CRYBB3: variants seen among roughly 807,000 people sequenced by gnomAD.
CRYBB3 encodes crystallin beta B3, also known as beta-crystallin B3.
Under a neutral mutation model 28.3 loss-of-function variants are expected in CRYBB3, and 35 were observed. The observed-to-expected ratio is 1.24, with a 90% CI of 0.95 to 1.64. CRYBB3 has a LOEUF of 1.64. CRYBB3 is among the 40% of genes most tolerant of loss of function. CRYBB3 has a pLI of 0.00. For synonymous variants in CRYBB3, 106 were observed against 110.4 expected (o/e 0.96, Z 0.25); for missense variants, 296 against 297.4 (o/e 1.00, Z 0.04).
chr22:25,204,262 C>T (rs1214820379), intron 4 of CRYBB3, among the ~76,000 whole-genome samples: 3 of 152,186 alleles, frequency 2.0e-5, no homozygotes, highest in Non-Finnish European at 4.4e-5. Flanking sequence ...TTAAGTTCTC[C>T]ACTTGTGTTT....
At chr22:25,205,024 C>G (rs1257439369) in intron 4 of CRYBB3, among the ~76,000 whole-genome samples, 196 bp from the exon 5 acceptor site, 2 of 152,196 alleles carry the variant, frequency 1.3e-5, no homozygotes, top group South Asian at 2.1e-4. Context: ...AATCAACCAG[C>G]TTTGGAGGAA....
chr22:25,205,468 A>T, intron 5 of CRYBB3, 106 bp downstream of exon 5: 8 of 1,318,956 alleles, frequency 6.1e-6, no homozygotes, highest in Non-Finnish European at 8.0e-6. Context: ...TTATTTATTT[A>T]TTTATTTTTG....
At chr22:25,205,435 C>G (rs1935016673) in intron 5 of CRYBB3, 73 bp downstream of exon 5, 7 of 1,475,142 alleles carry the variant, frequency 4.7e-6, no homozygotes, top group Non-Finnish European at 6.4e-6. Flanking sequence ...AGAATCAGTG[C>G]CCATAGTTTC....
intron 3 of CRYBB3, among the ~76,000 whole-genome samples, chr22:25,203,412 C>T (rs1934980725): frequency 6.6e-6 from 1 of 152,114 alleles, no homozygotes; most frequent in South Asian, 2.1e-4. Context: ...CAAATAAATA[C>T]ATATTAATAA....
intron 1 of CRYBB3, among the ~76,000 whole-genome samples, chr22:25,200,935 C>A (rs905734844): frequency 6.6e-6 from 1 of 152,198 alleles, no homozygotes; most frequent in African/African-American, 2.4e-5. Flanking sequence ...AAAAGAGTTC[C>A]TGGAGTACGG....
chr22:25,201,472 G>A lies in CRYBB3; in HGVS notation c.75+1G>A, dbSNP rs746036578. The A allele has an allele frequency of 6.0e-5, 97 of 1,612,668 alleles. No homozygotes were observed. In the East Asian group the frequency reaches 1.8e-3, roughly 30 times the overall value. On this transcript the variant is annotated splice_donor_variant, in intron 2 of 5. Transcript: ENST00000215855. LOFTEE classifies it high-confidence loss of function. Reference sequence around the variant, plus strand: ...TGGAGACCTTGGGGGCAGCTACAAGGTACTGGGCAGGGAGGGGGTCAGAGG... The same window carrying A: ...TGGAGACCTTGGGGGCAGCTACAAGATACTGGGCAGGGAGGGGGTCAGAGG...
At chr22:25,204,882 A>G (rs1435521716) in intron 4 of CRYBB3, among the ~76,000 whole-genome samples, 1 of 152,210 alleles carries the variant, frequency 6.6e-6, no homozygotes, top group African/African-American at 2.4e-5. Flanking sequence ...AAAGAGGGAA[A>G]GCTCATATGT....
In CRYBB3 at chr22:25,207,293, G is replaced by C; in HGVS notation, c.*81G>C. 7.9e-7 allele frequency: 1 copy of C among 1,271,276 alleles called. No homozygotes were observed. Among genetic ancestry groups the C allele is most frequent in the Non-Finnish European group, 1.1e-6 (1 of 917,674 alleles). 78.7% of individuals were successfully genotyped at this position (1,271,276 alleles called of 1,614,324 possible). A position where few individuals can be genotyped will look rare whatever the true frequency, so the allele number is the denominator to read the frequency against. On this transcript the variant is annotated 3_prime_UTR_variant, in exon 6 of 6. Transcript: ENST00000215855. ...AGAGGAGGCTCCAGGGTTGGGGCGA[G>C]GGCCGACCTGTCCACCCTTCCCTGG...
chr22:25,205,031 G>A (rs1935006790), intron 4 of CRYBB3, among the ~76,000 whole-genome samples, 189 bp from the exon 5 acceptor site: 1 of 152,144 alleles, frequency 6.6e-6, no homozygotes, highest in African/African-American at 2.4e-5. Flanking sequence ...CAGCTTTGGA[G>A]GAATCTCCCC....
chr22:25,200,181 A>G (rs1190202442), intron 1 of CRYBB3, among the ~76,000 whole-genome samples: 1 of 152,024 alleles, frequency 6.6e-6, no homozygotes, highest in Non-Finnish European at 1.5e-5. Flanking sequence ...GGGAGTGGGC[A>G]CACATGGTAC....
intron 5 of CRYBB3, 88 bp from the exon 6 acceptor site, chr22:25,206,959 A>T: frequency 2.1e-6 from 2 of 961,476 alleles, no homozygotes; most frequent in Non-Finnish European, 3.4e-6. Context: ...AGAGGAATGT[A>T]GGCAGGCAGA....
intron 4 of CRYBB3, 109 bp from the exon 5 acceptor site, chr22:25,205,111 G>A (rs1935008462): frequency 1.4e-6 from 2 of 1,449,996 alleles, no homozygotes; most frequent in South Asian, 2.4e-5. Context: ...CAGGTTTGGG[G>A]GTGGGTGTTA....
intron 1 of CRYBB3, among the ~76,000 whole-genome samples, chr22:25,200,187 G>C (rs185675724): frequency 1.5e-3 from 225 of 152,196 alleles, no homozygotes; most frequent in African/African-American, 5.2e-3. Flanking sequence ...GGGCACACAT[G>C]GTACCTGCCA....
Position 25,205,315 on chromosome 22 carries a change from T to C in CRYBB3, c.423T>C (p.Ala141=), listed in dbSNP as rs558451033. The C allele has an allele frequency of 1.6e-4, 252 of 1,614,138 alleles. 3 individuals are homozygous for C. The South Asian group carries it at 2.5e-3, about 16-fold the overall frequency. ...IVDDDVPSLW[A]HGFQDRVASV... ...ATGATGACGTGCCCAGCCTGTGGGC[T>C]CATGGCTTCCAGGACCGTGTGGCGA... The change falls in exon 5 of 6, where the codon GCT becomes GCC. Residue 141 remains alanine (A), a synonymous_variant. Transcript: ENST00000215855.
At chr22:25,204,323 G>C (rs1242344943) in intron 4 of CRYBB3, among the ~76,000 whole-genome samples, 1 of 152,104 alleles carries the variant, frequency 6.6e-6, no homozygotes, top group Non-Finnish European at 1.5e-5. Flanking sequence ...TTATTTATTT[G>C]TTTATTTATT....
chr22:25,203,734 T>A lies in CRYBB3; in HGVS notation c.195-29T>A, dbSNP rs755253697. 5 of 1,613,888 alleles carry A rather than the reference T, an allele frequency of 3.1e-6. No individual in the cohort carries two copies. In the East Asian group the frequency reaches 1.1e-4, roughly 36 times the overall value. ...AATCCTTCCTCAGCTGCAGCAAAGG[T>A]GACCCAGCCAAGCCTCTTCCTCCCT... On this transcript the variant is annotated intron_variant, in intron 3 of 5. Transcript: ENST00000215855.
At chr22:25,206,264 G>T (rs748440318) in intron 5 of CRYBB3, among the ~76,000 whole-genome samples, 4 of 152,022 alleles carry the variant, frequency 2.6e-5, no homozygotes, top group Non-Finnish European at 5.9e-5. Flanking sequence ...CAAAAAATTT[G>T]CGTAGTCTGG....
In CRYBB3 at chr22:25,203,893, A is replaced by G. The variant is rs1334775236; in HGVS notation, c.325A>G (p.Ile109Val). The G allele has an allele frequency of 6.2e-7, 1 of 1,614,142 alleles. No homozygotes were observed. Among genetic ancestry groups the G allele is most frequent in the Non-Finnish European group, 8.5e-7 (1 of 1,180,006 alleles). The change falls in exon 4 of 6, where the codon ATT (isoleucine) becomes GTT (valine). Residue 109 changes from isoleucine (I) to valine (V), a missense_variant and splice_region_variant. By Grantham distance (29) the Ile-to-Val change is conservative (BLOSUM62 3). Transcript: ENST00000215855. Reference protein sequence around the residue: ...DSLLSLRPLNIDSPHHKLHLF... With the variant: ...DSLLSLRPLNVDSPHHKLHLF... Reference sequence around the variant, plus strand: ...CCTTCTGTCCCTCCGGCCTCTGAATATTGTGAGTGTGGTTCCTGCTCACTT... The same window carrying G: ...CCTTCTGTCCCTCCGGCCTCTGAATGTTGTGAGTGTGGTTCCTGCTCACTT...
chr22:25,205,384 C>G, intron 5 of CRYBB3, 22 bp downstream of exon 5: 1 of 1,613,446 alleles, frequency 6.2e-7, no homozygotes, highest in Non-Finnish European at 8.5e-7. Flanking sequence ...AACCCTCACC[C>G]TTGCCCCATC....
Sources: gnomAD v4.1 joint callset for allele counts (sites outside exome capture counted in the v4.1 genomes callset) on GRCh38, gnomAD v4.1.1 for gene constraint, MANE v1.5 for transcripts, NCBI Gene and HGNC (gene_info 2026-07-23, HGNC 2026-07-21) for gene names.